Variants in ADA observed in about 807,000 individuals in gnomAD.
ADA encodes the protein adenosine deaminase, also known as adenosine aminohydrolase.
In ADA, 45 loss-of-function variants were observed where a neutral mutation model predicts 49.0. The observed-to-expected ratio is 0.92, with a 90% CI of 0.72 to 1.18. The LOEUF is 1.18. ADA is among the 50% of genes most tolerant of loss of function. The pLI, the probability that ADA is intolerant of heterozygous loss-of-function variation, is 0.00. For missense variants in ADA, 445 were observed against 472.5 expected (o/e 0.94, Z 0.54); for synonymous variants, 173 against 184.2 (o/e 0.94, Z 0.49).
intron 1 of ADA, among the ~76,000 whole-genome samples, chr20:44,649,631 G>A (rs1417383386): frequency 1.3e-5 from 2 of 150,418 alleles, no homozygotes; most frequent in Non-Finnish European, 2.9e-5. Context: ...GGCTGTTACA[G>A]AAGAACTGCA....
intron 1 of ADA, among the ~76,000 whole-genome samples, chr20:44,649,762 G>A (rs1215255527): frequency 2.5e-5 from 3 of 121,908 alleles, no homozygotes; most frequent in East Asian, 4.9e-4. Context: ...TTGAGACAGC[G>A]TCTCACTCTG....
chr20:44,628,766 G>A (rs934662992), intron 3 of ADA, among the ~76,000 whole-genome samples: 5 of 150,902 alleles, frequency 3.3e-5, no homozygotes, highest in African/African-American at 7.3e-5. Flanking sequence ...TAGATGGCCC[G>A]GGTTCAAGCC....
At chr20:44,650,636 G>T (rs1325876223) in intron 1 of ADA, among the ~76,000 whole-genome samples, 1 of 151,634 alleles carries the variant, frequency 6.6e-6, no homozygotes, top group Non-Finnish European at 1.5e-5. Context: ...GTCTAGTTTT[G>T]TTGTCCAGGC....
chr20:44,646,712 G>A (rs1181361185), intron 1 of ADA, among the ~76,000 whole-genome samples: 2 of 152,056 alleles, frequency 1.3e-5, no homozygotes, highest in African/African-American at 4.8e-5. Flanking sequence ...GCGGCAGGCA[G>A]GAATTCAACC....
chr20:44,648,391 T>C (rs1262564229), intron 1 of ADA, among the ~76,000 whole-genome samples: 2 of 152,086 alleles, frequency 1.3e-5, no homozygotes, highest in Non-Finnish European at 2.9e-5. Context: ...GTGGCCAACC[T>C]GGAGATCCAG....
intron 1 of ADA, among the ~76,000 whole-genome samples, chr20:44,645,357 C>CAA (rs11480982): frequency 0.12 from 7,106 of 58,252 alleles, 434 homozygotes; most frequent in African/African-American, 0.17. Context: ...GACTCCAGCT[C>CAA]AAAAAAAAAA....
chr20:44,636,026 G>A, intron 2 of ADA: 1 of 607,984 alleles, frequency 1.6e-6, no homozygotes, highest in Non-Finnish European at 2.9e-6. Context: ...GGCCCAGAAA[G>A]CTCAGGAGTT....
At chr20:44,644,631 C>T (rs2065571729) in intron 1 of ADA, among the ~76,000 whole-genome samples, 1 of 152,234 alleles carries the variant, frequency 6.6e-6, no homozygotes, top group Non-Finnish European at 1.5e-5. Flanking sequence ...GGGTCAGTGA[C>T]TTATGCCACT....
intron 8 of ADA, 65 bp from the exon 9 acceptor site, chr20:44,622,717 C>T (rs2065343675): frequency 6.2e-7 from 1 of 1,613,536 alleles, no homozygotes; most frequent in Non-Finnish European, 8.5e-7. Flanking sequence ...CCCCCCATGT[C>T]TGGGCCTGGG....
chr20:44,625,897 G>A (rs1360156892), intron 4 of ADA, among the ~76,000 whole-genome samples: 3 of 152,184 alleles, frequency 2.0e-5, no homozygotes, highest in Admixed American at 6.5e-5. Context: ...AGATCTTAGT[G>A]GGAGGTGTGG....
chr20:44,632,985 T>G (rs1043473316), intron 2 of ADA, among the ~76,000 whole-genome samples: 1 of 152,236 alleles, frequency 6.6e-6, no homozygotes, highest in Non-Finnish European at 1.5e-5. Flanking sequence ...TGAGCCACCA[T>G]GCACGCTCTG....
chr20:44,626,475 T>C lies in ADA; in HGVS notation c.343A>G (p.Ile115Val). Residue 115 changes from isoleucine to valine, a missense_variant, in exon 4 of 12, where the codon ATC becomes GTC. Ile to Val is a conservative substitution (Grantham distance 29, BLOSUM62 3). Coordinates refer to ENST00000372874, the MANE Select transcript of ADA (RefSeq NM_000022.4). The stretch of plus-strand genomic sequence containing the variant: ...ACTCACTCAGCCTGGTTCCAGGGGA[T>C]TGGCTCCACTTTGGAGTTGGCCAGC... Reference protein sequence around the residue: ...HLLANSKVEPIPWNQAEGDLT... With the variant: ...HLLANSKVEPVPWNQAEGDLT... 1 of 1,614,018 alleles carries C rather than the reference T, an allele frequency of 6.2e-7. No homozygotes were observed.
chr20:44,630,079 C>T (rs935052711), intron 2 of ADA, among the ~76,000 whole-genome samples: 3 of 151,886 alleles, frequency 2.0e-5, no homozygotes, highest in Admixed American at 1.3e-4. Context: ...TGGTGGCTCA[C>T]GCCTGTAATC....
chr20:44,629,575 T>G (rs1191878436), intron 2 of ADA, among the ~76,000 whole-genome samples: 1 of 152,146 alleles, frequency 6.6e-6, no homozygotes, highest in Non-Finnish European at 1.5e-5. Flanking sequence ...CTATGCCCAG[T>G]CAGGGGTTAT....
At chr20:44,621,179 T>C (rs2123511556) in intron 9 of ADA, 32 bp from the exon 10 acceptor site, 1 of 1,614,000 alleles carries the variant, frequency 6.2e-7, no homozygotes, top group Non-Finnish European at 8.5e-7. Flanking sequence ...AGAATCAGCC[T>C]CCTTTTACTC....
intron 1 of ADA, among the ~76,000 whole-genome samples, chr20:44,637,912 T>A (rs147734379): frequency 3.3e-5 from 5 of 152,318 alleles, no homozygotes; most frequent in Admixed American, 2.0e-4. Flanking sequence ...TCTCAAAATA[T>A]GCTCAGCATT....
chr20:44,629,984 C>T (rs1269908278), intron 2 of ADA, among the ~76,000 whole-genome samples: 1 of 151,250 alleles, frequency 6.6e-6, no homozygotes, highest in African/African-American at 2.4e-5. Context: ...AAGGTCACCT[C>T]GAGCCTCAGT....
Position 44,624,349 on chromosome 20 carries a change from C to T in ADA, c.479-20G>A, listed in dbSNP as rs1281982509. 1 of 1,612,392 alleles carries T rather than the reference C, an allele frequency of 6.2e-7. No individual in the cohort carries two copies. Among genetic ancestry groups the T allele is most frequent in the Non-Finnish European group, 8.5e-7 (1 of 1,179,668 alleles). On this transcript the variant is annotated intron_variant, in intron 5 of 11. Transcript: ENST00000372874. Reference sequence around the variant, plus strand: ...ACCAGTCTGTGGGCGAGATGCCCACCCAGGCTCTGTCACCAGCACCATGGA... The same window carrying T: ...ACCAGTCTGTGGGCGAGATGCCCACTCAGGCTCTGTCACCAGCACCATGGA...
At chr20:44,646,300 C>T (rs1348950062) in intron 1 of ADA, among the ~76,000 whole-genome samples, 2 of 152,220 alleles carry the variant, frequency 1.3e-5, no homozygotes, top group Non-Finnish European at 2.9e-5. Flanking sequence ...ACTCAGTCTC[C>T]TTTGTTCCCC....
Sources: allele counts gnomAD v4.1 joint callset (sites outside exome capture counted in the v4.1 genomes callset), GRCh38; gene constraint gnomAD v4.1.1; transcripts MANE v1.5; gene names NCBI Gene and HGNC (gene_info 2026-07-23, HGNC 2026-07-21).